Variants in EPM2A observed in about 807,000 individuals in gnomAD.
EPM2A encodes the protein EPM2A glucan phosphatase, laforin.
Under a neutral mutation model 26.5 loss-of-function variants are expected in EPM2A, and 21 were observed. The ratio of observed to expected loss-of-function variants is 0.79; its 90% CI spans 0.56 to 1.14. EPM2A has a LOEUF of 1.14. Ranked by LOEUF, EPM2A falls within the 50% of genes most tolerant of loss-of-function variation. The pLI is 0.00. For synonymous variants in EPM2A, 217 were observed against 177.6 expected (o/e 1.22, Z -1.76); for missense variants, 458 against 440.8 (o/e 1.04, Z -0.35).
chr6:145,624,169 G>C (rs1226839356), downstream of EPM2A, among the ~76,000 whole-genome samples: 1 of 151,890 alleles, frequency 6.6e-6, no homozygotes, highest in African/African-American at 2.4e-5. Context: ...GCCATGATTT[G>C]ATCAGCACGT....
chr6:145,672,725 G>A (rs1368018700), intron 2 of EPM2A, among the ~76,000 whole-genome samples: 2 of 152,228 alleles, frequency 1.3e-5, no homozygotes, highest in Non-Finnish European at 2.9e-5. Context: ...AATAAAAACA[G>A]AGGAATTAAG....
chr6:145,396,310 A>G (rs1243245195), intron 4 of EPM2A, among the ~76,000 whole-genome samples: 2 of 151,972 alleles, frequency 1.3e-5, no homozygotes, highest in African/African-American at 4.8e-5. Flanking sequence ...TCCCTTTCCC[A>G]TCTGAAGATC....
chr6:145,555,040 T>C (rs1780709753), intron 2 of EPM2A, among the ~76,000 whole-genome samples: 1 of 152,112 alleles, frequency 6.6e-6, no homozygotes, highest in South Asian at 2.1e-4. Context: ...GTAAATTACA[T>C]CAACTTATCA....
At chr6:145,497,656 A>G (rs912184251), downstream of EPM2A, among the ~76,000 whole-genome samples, 13 of 152,248 alleles carry the variant, frequency 8.5e-5, no homozygotes, top group Non-Finnish European at 1.6e-4. Flanking sequence ...TTGCTGAAAC[A>G]GCAAAGATGG....
At chr6:145,395,730 T>C (rs1286339588) in intron 4 of EPM2A, among the ~76,000 whole-genome samples, 8 of 152,162 alleles carry the variant, frequency 5.3e-5, no homozygotes, top group Admixed American at 5.2e-4. Context: ...ATGACTATAC[T>C]GCTTTTATAG....
At chr6:145,453,724 T>C (rs1251870914) in intron 4 of EPM2A, among the ~76,000 whole-genome samples, 1 of 152,232 alleles carries the variant, frequency 6.6e-6, no homozygotes, top group Non-Finnish European at 1.5e-5. Flanking sequence ...TGCTTTTTAT[T>C]AGCATATGGC....
intron 2 of EPM2A, among the ~76,000 whole-genome samples, chr6:145,591,904 A>G (rs1468906161): frequency 6.6e-6 from 1 of 152,000 alleles, no homozygotes; most frequent in Non-Finnish European, 1.5e-5. Flanking sequence ...ATAAGGATGG[A>G]AAAAAGAAAC....
At chr6:145,409,367 C>T (rs1291793447) in intron 4 of EPM2A, among the ~76,000 whole-genome samples, 3 of 152,024 alleles carry the variant, frequency 2.0e-5, no homozygotes, top group African/African-American at 7.2e-5. Flanking sequence ...ATATAGGTAG[C>T]CATTTTTATG....
At chr6:145,421,746 CAT>C (rs1166421389) in intron 4 of EPM2A, among the ~76,000 whole-genome samples, 3 of 151,674 alleles carry the variant, frequency 2.0e-5, no homozygotes, top group African/African-American at 7.2e-5. Context: ...TAAAATAAAA[CAT>C]ATGTGTTATC....
downstream of EPM2A, among the ~76,000 whole-genome samples, chr6:145,622,033 G>A (rs77011687): frequency 4.1e-3 from 624 of 152,264 alleles, 18 homozygotes; most frequent in East Asian, 0.07. Flanking sequence ...ATGTCAAGAA[G>A]TTCTTCCACT....
intron 2 of EPM2A, among the ~76,000 whole-genome samples, chr6:145,520,574 C>T (rs890317227): frequency 1.3e-5 from 2 of 152,182 alleles, no homozygotes; most frequent in Admixed American, 6.5e-5. Context: ...TTATTTTGTA[C>T]ACGTGCATTT....
Position 145,668,588 on chromosome 6 carries a change from G to A in EPM2A, c.476+17534C>T, listed in dbSNP as rs369778434. Among the ~76,000 whole-genome samples, 7 of 152,232 alleles carry A rather than the reference G, an allele frequency of 4.6e-5. No homozygotes were observed. The East Asian group carries it at 9.7e-4, about 21-fold the overall frequency. On this transcript the variant is annotated intron_variant, in intron 2 of 3. Transcript: ENST00000367519. ...TCTGGGGCAAGAAAGTAGAGACCCT[G>A]TCTTGTGAAGATACAATAATTAAGA...
chr6:145,664,228 T>C (rs1358817542), intron 2 of EPM2A, among the ~76,000 whole-genome samples: 1 of 72,470 alleles, frequency 1.4e-5, no homozygotes, highest in African/African-American at 6.2e-5. Flanking sequence ...GCAAGTTGGA[T>C]AGAGTCAAGA....
chr6:145,389,549 C>T (rs1562316687), intron 4 of EPM2A, among the ~76,000 whole-genome samples: 1 of 152,094 alleles, frequency 6.6e-6, no homozygotes, highest in East Asian at 1.9e-4. Flanking sequence ...TCTCTTTTGC[C>T]TCGTGAATGT....
chr6:145,690,521 GAAAAAA>G (rs145052340), intron 1 of EPM2A, among the ~76,000 whole-genome samples: 1 of 87,026 alleles, frequency 1.1e-5, no homozygotes, highest in Admixed American at 1.4e-4. Flanking sequence ...CGTCTCAAAA[GAAAAAA>G]AAAAAAAAAA....
At chr6:145,534,122 A>C (rs1443776622) in intron 2 of EPM2A, among the ~76,000 whole-genome samples, 2 of 152,190 alleles carry the variant, frequency 1.3e-5, no homozygotes, top group Non-Finnish European at 2.9e-5. Context: ...TGTTCGGTGA[A>C]AGGAGTGGTA....
chr6:145,674,665 G>T (rs1210088613), intron 2 of EPM2A, among the ~76,000 whole-genome samples: 1 of 152,028 alleles, frequency 6.6e-6, no homozygotes, highest in Non-Finnish European at 1.5e-5. Context: ...TAGCCAATTT[G>T]ATCAAGTGGA....
intron 4 of EPM2A, among the ~76,000 whole-genome samples, chr6:145,413,513 G>A (rs1338825270): frequency 3.3e-5 from 5 of 151,992 alleles, no homozygotes; most frequent in Admixed American, 1.3e-4. Context: ...CAAAGATGTG[G>A]TCCATTTTCC....
At chr6:145,390,231 T>TC (rs1778319122) in intron 4 of EPM2A, among the ~76,000 whole-genome samples, 1 of 152,086 alleles carries the variant, frequency 6.6e-6, no homozygotes, top group Non-Finnish European at 1.5e-5. Context: ...ATTAAGACCT[T>TC]CAACTGACTG....
Sources: gnomAD v4.1 joint callset for allele counts (sites outside exome capture counted in the v4.1 genomes callset) on GRCh38, gnomAD v4.1.1 for gene constraint, MANE v1.5 for transcripts, NCBI Gene and HGNC (gene_info 2026-07-23, HGNC 2026-07-21) for gene names.